The following UBAC2 variants were observed in gnomAD, a reference collection of about 807,000 sequenced individuals.
The protein encoded by UBAC2 is ubiquitin-associated domain-containing protein 2.
Under a neutral mutation model 44.0 loss-of-function variants are expected in UBAC2, and 26 were observed. The observed-to-expected ratio is 0.59, with a 90% CI of 0.43 to 0.82. The LOEUF (loss-of-function observed/expected upper bound fraction) is 0.82. Ranked by LOEUF, UBAC2 falls within the 40% of genes least tolerant of loss-of-function variation. The probability of loss-of-function intolerance (pLI) is 0.00; values close to 1 mark genes in which losing one functional copy is unlikely to be tolerated. For synonymous variants in UBAC2, 155 were observed against 154.3 expected, an observed-to-expected ratio of 1.00 and a Z score of -0.04; for missense variants, 329 against 419.4, an observed-to-expected ratio of 0.78 and a Z score of 1.88.
At chr13:99,228,584 G>C (rs2043138233) in intron 1 of UBAC2, among the ~76,000 whole-genome samples, 1 of 152,134 alleles carries the variant, frequency 6.6e-6, no homozygotes, top group Admixed American at 6.5e-5. Flanking sequence ...ATGAGCCACT[G>C]TGCCCAGCCC....
rs532647391 is a variant in UBAC2, at chr13:99,273,217, C to G, written c.389+28593C>G. On this transcript the variant is annotated intron_variant, in intron 4 of 8. Coordinates refer to ENST00000403766, the MANE Select transcript of UBAC2 (RefSeq NM_001144072.2). ...TGCTTTCCTAGTTGGTAATATTATT[C>G]AGTTTGTTTCTTTTTTGTTGCGACT... is the stretch of plus-strand genomic sequence containing the variant. 2.3e-3 allele frequency among the ~76,000 whole-genome samples: 352 copies of G among 151,976 alleles called. 1 individual carries two copies. Among genetic ancestry groups the G allele is most frequent in the Non-Finnish European group, 3.5e-3 (237 of 67,940 alleles).
chr13:99,246,700 G>A (rs1175042860), intron 4 of UBAC2, among the ~76,000 whole-genome samples: 1 of 152,160 alleles, frequency 6.6e-6, no homozygotes, highest in African/African-American at 2.4e-5. Context: ...TGAAGTTGGT[G>A]GGAATACTTT....
intron 1 of UBAC2, chr13:99,201,385 A>G (rs760022462): frequency 6.3e-7 from 1 of 1,599,128 alleles, no homozygotes; most frequent in Non-Finnish European, 8.5e-7. Context: ...CCTCCGCTTT[A>G]GAAGCTGACC....
chr13:99,340,287 T>TTTAAACAA, intron 6 of UBAC2, 33 bp from the exon 7 acceptor site: 2 of 1,584,664 alleles, frequency 1.3e-6, no homozygotes, highest in Non-Finnish European at 1.7e-6. Context: ...TAATACTACA[T>TTTAAACAA]TTAAACAATC....
intron 4 of UBAC2, among the ~76,000 whole-genome samples, chr13:99,302,657 T>G (rs2044273494): frequency 6.6e-6 from 1 of 152,188 alleles, no homozygotes; most frequent in African/African-American, 2.4e-5. Flanking sequence ...ATTATGGGTG[T>G]TGTTTGCCTG....
intron 4 of UBAC2, among the ~76,000 whole-genome samples, chr13:99,249,178 G>A (rs928651021): frequency 2.0e-5 from 3 of 151,938 alleles, no homozygotes; most frequent in East Asian, 1.9e-4. Context: ...GCTCCCCTCC[G>A]TCCTTCCCCC....
chr13:99,276,442 G>A (rs192654317), intron 4 of UBAC2, among the ~76,000 whole-genome samples: 3 of 152,330 alleles, frequency 2.0e-5, no homozygotes, highest in East Asian at 1.9e-4. Flanking sequence ...TTTTACTTAC[G>A]TTTATTGGTT....
intron 4 of UBAC2, among the ~76,000 whole-genome samples, chr13:99,303,196 A>G (rs753900997): frequency 3.3e-5 from 5 of 152,234 alleles, no homozygotes; most frequent in African/African-American, 4.8e-5. Context: ...CTTCTTCAAG[A>G]CAGAAAAAGA....
chr13:99,206,783 T>A (rs1252387990), intron 1 of UBAC2, among the ~76,000 whole-genome samples: 1 of 152,230 alleles, frequency 6.6e-6, no homozygotes, highest in African/African-American at 2.4e-5. Flanking sequence ...TACCTCTATT[T>A]TGTCTTCGGC....
intron 1 of UBAC2, among the ~76,000 whole-genome samples, chr13:99,219,144 G>A (rs2142680418): frequency 6.6e-6 from 1 of 152,270 alleles, no homozygotes; most frequent in Admixed American, 6.5e-5. Context: ...CTCCTCTCAA[G>A]GGTGTGAACC....
chr13:99,334,803 T>C (rs1861830737), intron 6 of UBAC2, among the ~76,000 whole-genome samples: 1 of 152,092 alleles, frequency 6.6e-6, no homozygotes, highest in South Asian at 2.1e-4. Context: ...GTATGAATAA[T>C]AGCTAAACAC....
chr13:99,361,202 CTAA>C (rs549066703), intron 7 of UBAC2, among the ~76,000 whole-genome samples: 6 of 152,160 alleles, frequency 3.9e-5, no homozygotes, highest in Non-Finnish European at 7.3e-5. Flanking sequence ...TTCTTACAAA[CTAA>C]TAATAAGTAT....
chr13:99,294,881 G>A (rs1226178920), intron 4 of UBAC2: 3 of 561,024 alleles, frequency 5.3e-6, no homozygotes, highest in African/African-American at 3.8e-5. Context: ...TGTGCTTTAT[G>A]TTGTTTGCTT....
chr13:99,342,453 G>C (rs1374582562), intron 7 of UBAC2, among the ~76,000 whole-genome samples: 11 of 152,174 alleles, frequency 7.2e-5, no homozygotes, highest in Admixed American at 7.2e-4. Context: ...TCGGCGCTGA[G>C]TGACTGTTCT....
intron 4 of UBAC2, among the ~76,000 whole-genome samples, chr13:99,296,468 A>G (rs1457579890): frequency 6.6e-6 from 1 of 152,236 alleles, no homozygotes; most frequent in East Asian, 1.9e-4. Context: ...TTGTGACAGA[A>G]GGGAATGCAC....
intron 4 of UBAC2, among the ~76,000 whole-genome samples, chr13:99,292,023 C>T (rs907092935): frequency 2.6e-5 from 4 of 152,098 alleles, no homozygotes; most frequent in African/African-American, 4.8e-5. Context: ...ATTATGAAGT[C>T]GGCTAGCATG....
At chr13:99,380,807 A>T (rs9517704) in intron 8 of UBAC2, among the ~76,000 whole-genome samples, 84,281 of 152,162 alleles carry the variant, frequency 0.55, 25,469 homozygotes, top group Non-Finnish European at 0.7. Context: ...ACTTAGCAAT[A>T]GTTTTTAATC....
chr13:99,236,140 C>A (rs930016483), intron 1 of UBAC2, among the ~76,000 whole-genome samples: 1 of 152,170 alleles, frequency 6.6e-6, no homozygotes, highest in African/African-American at 2.4e-5. Context: ...GGACGTTGGT[C>A]TGGGCAAAGA....
At chr13:99,217,342 C>T (rs2043008779) in intron 1 of UBAC2, among the ~76,000 whole-genome samples, 1 of 152,144 alleles carries the variant, frequency 6.6e-6, no homozygotes, top group East Asian at 1.9e-4. Context: ...GGAGAGGTCC[C>T]GTGGCTCATC....
Sources: gnomAD v4.1 joint callset for allele counts (sites outside exome capture counted in the v4.1 genomes callset) on GRCh38, gnomAD v4.1.1 for gene constraint, MANE v1.5 for transcripts, NCBI Gene and HGNC (gene_info 2026-07-23, HGNC 2026-07-21) for gene names.